Variants in RETREG1 observed in about 807,000 individuals in gnomAD.
RETREG1 encodes the protein family with sequence similarity 134 member B.
RETREG1 carries 44 observed loss-of-function variants against 54.8 expected under a neutral mutation model. The ratio of observed to expected loss-of-function variants is 0.80; its 90% CI spans 0.63 to 1.03. The LOEUF is 1.03. RETREG1 is among the 50% of genes least tolerant of loss of function. The probability of loss-of-function intolerance (pLI) is 0.00; values close to 1 mark genes in which losing one functional copy is unlikely to be tolerated. For synonymous variants in RETREG1, 217 were observed against 238.5 expected, an observed-to-expected ratio of 0.91 and a Z score of 0.83; for missense variants, 554 against 605.1, an observed-to-expected ratio of 0.92 and a Z score of 0.89.
chr5:16,503,119 C>T (rs372116003), intron 3 of RETREG1, among the ~76,000 whole-genome samples: 9 of 152,076 alleles, frequency 5.9e-5, no homozygotes, highest in East Asian at 5.8e-4. Flanking sequence ...TTCACAGGGG[C>T]GTGATTACAG....
At chr5:16,608,550 T>A (rs1361532965) in intron 1 of RETREG1, among the ~76,000 whole-genome samples, 1 of 152,228 alleles carries the variant, frequency 6.6e-6, no homozygotes, top group Non-Finnish European at 1.5e-5. Flanking sequence ...TGTAAAGCCC[T>A]GGAGACCATG....
At chr5:16,616,162 G>C (rs1244711379) in intron 1 of RETREG1, 1 of 156,020 alleles carries the variant, frequency 6.4e-6, no homozygotes, top group South Asian at 1.9e-4. Context: ...ACGCTCCAGG[G>C]GAAGGAAAAA....
chr5:16,504,240 C>T (rs1414220393), intron 3 of RETREG1, among the ~76,000 whole-genome samples: 1 of 152,196 alleles, frequency 6.6e-6, no homozygotes, highest in Non-Finnish European at 1.5e-5. Flanking sequence ...AGTCTCATTT[C>T]TTTTTATGGC....
rs1232897427 is a variant in RETREG1, at chr5:16,518,624, G to T, written c.459-35152C>A. 2.0e-5 allele frequency among the ~76,000 whole-genome samples: 3 copies of T among 152,072 alleles called. No individual in the cohort carries two copies. In the East Asian group the frequency reaches 5.8e-4, roughly 29 times the overall value. ...GGGGGTTGTAAGGAGACTTTCCAGG[G>T]TTCCCTGTCCCTACAGGAAAGAAAT... On this transcript the variant is annotated intron_variant, in intron 3 of 8. Coordinates refer to ENST00000306320, the MANE Select transcript of RETREG1 (RefSeq NM_001034850.3).
intron 3 of RETREG1, 79 bp from the exon 4 acceptor site, chr5:16,483,551 T>C: frequency 1.3e-6 from 2 of 1,492,686 alleles, no homozygotes; most frequent in South Asian, 1.1e-5. Flanking sequence ...CAAATATTTA[T>C]TGAGCATCTA....
intron 3 of RETREG1, among the ~76,000 whole-genome samples, chr5:16,525,107 T>C (rs557601092): frequency 0.016 from 1,549 of 96,064 alleles, 3 homozygotes; most frequent in Non-Finnish European, 0.022. Context: ...CTCCAGCCCC[T>C]GCAGGTGGAT....
intron 3 of RETREG1, among the ~76,000 whole-genome samples, chr5:16,560,917 T>A (rs906744429): frequency 6.6e-6 from 1 of 152,130 alleles, no homozygotes; most frequent in African/African-American, 2.4e-5. Context: ...CATTACACAT[T>A]GGAAACTGCA....
chr5:16,510,818 CAAAAAAAAA>C (rs57713373), intron 3 of RETREG1, among the ~76,000 whole-genome samples: 2 of 75,714 alleles, frequency 2.6e-5, no homozygotes, highest in Admixed American at 3.1e-4. Flanking sequence ...ACAACAACAA[CAAAAAAAAA>C]AAAAAAAAAA....
chr5:16,614,022 G>T (rs554013587), intron 1 of RETREG1, among the ~76,000 whole-genome samples: 26 of 152,294 alleles, frequency 1.7e-4, no homozygotes, highest in Admixed American at 1.2e-3. Context: ...AGTCATTTTT[G>T]TCAAAGAAAA....
At chr5:16,577,048 C>CACAG (rs1194011680) in intron 1 of RETREG1, among the ~76,000 whole-genome samples, 3 of 152,066 alleles carry the variant, frequency 2.0e-5, no homozygotes, top group Admixed American at 1.3e-4. Context: ...CACACACACA[C>CACAG]ACACACACAC....
At chr5:16,501,913 C>T (rs1261660789) in intron 3 of RETREG1, among the ~76,000 whole-genome samples, 1 of 150,938 alleles carries the variant, frequency 6.6e-6, no homozygotes, top group Non-Finnish European at 1.5e-5. Context: ...ATCCTTTCCA[C>T]TAACAACTGA....
chr5:16,522,156 C>G (rs997680185), intron 3 of RETREG1, among the ~76,000 whole-genome samples: 4 of 151,982 alleles, frequency 2.6e-5, no homozygotes, highest in African/African-American at 9.7e-5. Context: ...CAAGAGGAAC[C>G]AGCTCCTGGA....
At chr5:16,606,115 G>T (rs2126367554) in intron 1 of RETREG1, among the ~76,000 whole-genome samples, 1 of 152,290 alleles carries the variant, frequency 6.6e-6, no homozygotes, top group African/African-American at 2.4e-5. Flanking sequence ...AGGAGGTGGT[G>T]CCATGGAGAC....
At chr5:16,488,338 T>C (rs891954915) in intron 3 of RETREG1, among the ~76,000 whole-genome samples, 3 of 152,172 alleles carry the variant, frequency 2.0e-5, no homozygotes, top group Non-Finnish European at 2.9e-5. Flanking sequence ...AAGGGAGTTA[T>C]GTGATCACCC....
At chr5:16,547,225 G>A (rs1343747513) in intron 3 of RETREG1, among the ~76,000 whole-genome samples, 1 of 152,194 alleles carries the variant, frequency 6.6e-6, no homozygotes, top group Non-Finnish European at 1.5e-5. Context: ...CAGGGTGACT[G>A]TGGAAAGTGT....
At chr5:16,543,783 C>T (rs1308481268) in intron 3 of RETREG1, among the ~76,000 whole-genome samples, 1 of 152,022 alleles carries the variant, frequency 6.6e-6, no homozygotes, top group African/African-American at 2.4e-5. Flanking sequence ...CACATCCTCA[C>T]TAACACTTGG....
At chr5:16,602,554 C>T (rs1743080020) in intron 1 of RETREG1, among the ~76,000 whole-genome samples, 1 of 152,180 alleles carries the variant, frequency 6.6e-6, no homozygotes, top group Admixed American at 6.5e-5. Context: ...TGACACTCTA[C>T]TTAGCTTATA....
intron 3 of RETREG1, among the ~76,000 whole-genome samples, chr5:16,495,170 C>A (rs1027445102): frequency 6.6e-6 from 1 of 152,136 alleles, no homozygotes; most frequent in African/African-American, 2.4e-5. Flanking sequence ...TTCTAAAAAC[C>A]TATGCTTATA....
intron 3 of RETREG1, among the ~76,000 whole-genome samples, chr5:16,527,522 T>C (rs1740750274): frequency 6.6e-6 from 1 of 152,166 alleles, no homozygotes; most frequent in African/African-American, 2.4e-5. Flanking sequence ...GCATTAATGC[T>C]AGTTTGGAGC....
Sources: gnomAD v4.1 joint callset for allele counts (sites outside exome capture counted in the v4.1 genomes callset) on GRCh38, gnomAD v4.1.1 for gene constraint, MANE v1.5 for transcripts, NCBI Gene and HGNC (gene_info 2026-07-23, HGNC 2026-07-21) for gene names.